Variants in PPM1L observed in about 807,000 individuals in gnomAD.
PPM1L encodes protein phosphatase, Mg2+/Mn2+ dependent 1L.
A neutral mutation model predicts 31.4 loss-of-function variants in PPM1L; 13 were observed. That is an observed-to-expected ratio of 0.41 (90% CI 0.27 to 0.66). The LOEUF is 0.66. PPM1L is among the 30% of genes least tolerant of loss of function. PPM1L has a pLI of 0.29. For missense variants in PPM1L, 326 were observed against 453.7 expected (o/e 0.72, Z 2.56); for synonymous variants, 184 against 175.4 (o/e 1.05, Z -0.39).
chr3:160,766,853 G>A (rs1415685986), intron 1 of PPM1L, among the ~76,000 whole-genome samples: 3 of 149,184 alleles, frequency 2.0e-5, no homozygotes, highest in East Asian at 3.9e-4. Flanking sequence ...CTTGATACTC[G>A]AGTCTGTTAA....
intron 2 of PPM1L, among the ~76,000 whole-genome samples, chr3:161,027,171 C>A (rs1718424466): frequency 6.6e-6 from 1 of 152,290 alleles, no homozygotes; most frequent in South Asian, 2.1e-4. Context: ...CTAGGAAATT[C>A]AAGCAATTTT....
intron 2 of PPM1L, among the ~76,000 whole-genome samples, chr3:160,974,349 T>C (rs1363123632): frequency 1.3e-5 from 2 of 152,090 alleles, no homozygotes; most frequent in Admixed American, 1.3e-4. Context: ...CATGTGTCTT[T>C]ATAGCAGCAT....
At position 161,022,376 on chromosome 3, in the gene PPM1L, A is replaced by T. The variant is rs1280422868; in HGVS notation, c.575-43027A>T. On this transcript the variant is annotated intron_variant, in intron 2 of 3. Coordinates refer to ENST00000498165, the MANE Select transcript of PPM1L (RefSeq NM_139245.4). ...TTATTTCTTTATGCATTTATTTTTT[A>T]AATTAGAAGAAAAAAGTTAACAAAT... 15 of 382,510 alleles carry T rather than the reference A, an allele frequency of 3.9e-5. No homozygotes were observed. In the Middle Eastern group the frequency reaches 1.9e-3, roughly 49 times the overall value. 23.7% of individuals were successfully genotyped at this position (382,510 alleles called of 1,614,324 possible).
rs577593927 is a variant in PPM1L, at chr3:161,007,860, A to G, written c.574+45950A>G. Among the ~76,000 whole-genome samples, 7 of 152,240 alleles carry G rather than the reference A, an allele frequency of 4.6e-5. No individual in the cohort carries two copies. The East Asian group carries it at 1.4e-3, about 29-fold the overall frequency. ...TGATTTAGATGGTTTCTCTGGCAGCAGGGTAGGTAATAAGAGGGAGAAGAT... is the reference window on the plus strand; with the variant it reads ...TGATTTAGATGGTTTCTCTGGCAGCGGGGTAGGTAATAAGAGGGAGAAGAT... On this transcript the variant is annotated intron_variant, in intron 2 of 3. Coordinates refer to ENST00000498165, the MANE Select transcript of PPM1L (RefSeq NM_139245.4).
At chr3:160,886,706 G>T (rs1415979085) in intron 1 of PPM1L, among the ~76,000 whole-genome samples, 1 of 151,940 alleles carries the variant, frequency 6.6e-6, no homozygotes, top group Non-Finnish European at 1.5e-5. Flanking sequence ...CCCATTCAAG[G>T]GTCAGTAGCT....
At chr3:161,037,175 A>G (rs773520805) in intron 2 of PPM1L, among the ~76,000 whole-genome samples, 5 of 152,166 alleles carry the variant, frequency 3.3e-5, no homozygotes, top group Non-Finnish European at 7.3e-5. Context: ...TAGTGAATGA[A>G]TATAGCAGAA....
chr3:160,858,320 C>T (rs904289160), intron 1 of PPM1L, among the ~76,000 whole-genome samples: 2 of 152,064 alleles, frequency 1.3e-5, no homozygotes, highest in Middle Eastern at 3.2e-3. Flanking sequence ...GGTCTTGGCT[C>T]ACTGCAAGAA....
intron 1 of PPM1L, among the ~76,000 whole-genome samples, chr3:160,930,394 A>G (rs1325157630): frequency 6.6e-6 from 1 of 152,244 alleles, no homozygotes; most frequent in African/African-American, 2.4e-5. Context: ...CTTCTTGAAG[A>G]AGAAAACACT....
At chr3:160,903,452 A>C (rs1210277421) in intron 1 of PPM1L, among the ~76,000 whole-genome samples, 3 of 152,124 alleles carry the variant, frequency 2.0e-5, no homozygotes, top group Non-Finnish European at 4.4e-5. Flanking sequence ...GAAAGTAATA[A>C]CTTTTACTTA....
rs1719934375 is a variant in PPM1L, at chr3:161,071,959, C to A, written c.*2802C>A. ...GCTCGAGTTCGAATTGCCAATAGTC[C>A]CCATGGTGCCAAATTTTGGGATGGT... is the stretch of plus-strand genomic sequence containing the variant. On this transcript the variant is annotated 3_prime_UTR_variant, in exon 4 of 4. Coordinates refer to ENST00000498165, the MANE Select transcript of PPM1L (RefSeq NM_139245.4). 1 of 152,096 alleles carries A rather than the reference C, an allele frequency of 6.6e-6. No homozygotes were observed. The highest frequency in any genetic ancestry group is 2.4e-5 in the African/African-American group (1 of 41,406). The allele number at this position is 152,096 out of a possible 1,614,324, so 9.4% of individuals were successfully genotyped here.
chr3:160,860,223 G>A (rs371610596), intron 1 of PPM1L, among the ~76,000 whole-genome samples: 5 of 152,140 alleles, frequency 3.3e-5, no homozygotes, highest in Admixed American at 1.3e-4. Flanking sequence ...TAGTCACCAC[G>A]TCCAGATGCC....
At chr3:161,008,781 A>G (rs1183143053) in intron 2 of PPM1L, among the ~76,000 whole-genome samples, 1 of 152,204 alleles carries the variant, frequency 6.6e-6, no homozygotes, top group Non-Finnish European at 1.5e-5. Flanking sequence ...CAAGAGAAGA[A>G]GATTTGCTGG....
At chr3:160,905,861 AT>A (rs1382454502) in intron 1 of PPM1L, among the ~76,000 whole-genome samples, 1 of 151,984 alleles carries the variant, frequency 6.6e-6, no homozygotes, top group Non-Finnish European at 1.5e-5. Context: ...TAAAAATCAC[AT>A]TTTTTTCTAA....
At chr3:161,035,653 C>G (rs1718722127) in intron 2 of PPM1L, among the ~76,000 whole-genome samples, 1 of 152,154 alleles carries the variant, frequency 6.6e-6, no homozygotes, top group Non-Finnish European at 1.5e-5. Flanking sequence ...CTTTATTTCC[C>G]AACTAAATAA....
chr3:160,800,350 T>C (rs530330546), intron 1 of PPM1L, among the ~76,000 whole-genome samples: 1 of 152,220 alleles, frequency 6.6e-6, no homozygotes, highest in Non-Finnish European at 1.5e-5. Flanking sequence ...GTTCTACTTA[T>C]ATCAATTCTT....
At chr3:160,991,079 TAAA>T (rs3063243) in intron 2 of PPM1L, among the ~76,000 whole-genome samples, 4 of 138,146 alleles carry the variant, frequency 2.9e-5, no homozygotes, top group Admixed American at 7.2e-5. Flanking sequence ...GCTGATGAGC[TAAA>T]AAAAAAAAAA....
At chr3:160,815,915 A>G (rs894896362) in intron 1 of PPM1L, among the ~76,000 whole-genome samples, 1 of 152,164 alleles carries the variant, frequency 6.6e-6, no homozygotes, top group Non-Finnish European at 1.5e-5. Flanking sequence ...CTTTTTCCCT[A>G]GGAAGGATTG....
At chr3:160,817,541 G>A (rs1051031162) in intron 1 of PPM1L, among the ~76,000 whole-genome samples, 2 of 152,062 alleles carry the variant, frequency 1.3e-5, no homozygotes, top group African/African-American at 4.8e-5. Context: ...TTCTAGCAAC[G>A]TGGGAAATCC....
intron 1 of PPM1L, among the ~76,000 whole-genome samples, chr3:160,900,955 T>A (rs1456465089): frequency 6.6e-6 from 1 of 152,198 alleles, no homozygotes; most frequent in Non-Finnish European, 1.5e-5. Flanking sequence ...TACTTTCTTG[T>A]CTTCATTTGG....
Sources: gnomAD v4.1 joint callset for allele counts (sites outside exome capture counted in the v4.1 genomes callset) on GRCh38, gnomAD v4.1.1 for gene constraint, MANE v1.5 for transcripts, NCBI Gene and HGNC (gene_info 2026-07-23, HGNC 2026-07-21) for gene names.